Variants in NCOA2 observed in about 807,000 individuals in gnomAD.
NCOA2 encodes nuclear receptor coactivator 2.
In NCOA2, 21 loss-of-function variants were observed where a neutral mutation model predicts 145.1. That is an observed-to-expected ratio of 0.14 (90% CI 0.10 to 0.21). The LOEUF is 0.21. Among genes scored for constraint, NCOA2 ranks in the 10% least tolerant of loss-of-function variants. The pLI, the probability that NCOA2 is intolerant of heterozygous loss-of-function variation, is 1.00. For synonymous variants in NCOA2, 619 were observed against 637.5 expected (o/e 0.97, Z 0.44); for missense variants, 1,472 against 1,837.6 (o/e 0.80, Z 3.64).
At chr8:70,417,245 T>TAAAAAAAAAAAAAAA in the NCOA2 span, among the ~76,000 whole-genome samples, 82 of 77,992 alleles carry the variant, frequency 1.1e-3, 10 homozygotes, top group African/African-American at 6.6e-3. Flanking sequence ...TCGTCTCTAT[T>TAAAAAAAAAAAAAAA]AAAAAAAAAA....
chr8:70,221,539 G>A (rs1425960074), intron 2 of NCOA2, among the ~76,000 whole-genome samples: 1 of 152,128 alleles, frequency 6.6e-6, no homozygotes, highest in Non-Finnish European at 1.5e-5. Context: ...GTAGATGCCT[G>A]AGAAAGAAAA....
At chr8:70,186,041 C>T (rs920584352) in intron 4 of NCOA2, among the ~76,000 whole-genome samples, 5 of 151,952 alleles carry the variant, frequency 3.3e-5, no homozygotes, top group African/African-American at 9.7e-5. Context: ...TGAAAACGCA[C>T]ATACAAATAA....
chr8:70,329,690 A>G (rs1586508800), intron 1 of NCOA2, among the ~76,000 whole-genome samples: 1 of 127,804 alleles, frequency 7.8e-6, no homozygotes, highest in Non-Finnish European at 1.7e-5. Flanking sequence ...CAATAGGATA[A>G]ATAAATATTA....
chr8:70,408,779 TTTTTTTTTTTTTGGA>T (rs1814816976), upstream of NCOA2, among the ~76,000 whole-genome samples: 1 of 151,644 alleles, frequency 6.6e-6, no homozygotes, highest in South Asian at 2.1e-4. Flanking sequence ...ACCCAGCTTT[TTTTTTTTTTTTTGGA>T]TTTTTTTTTT....
At chr8:70,360,530 T>G (rs1406137044) in intron 1 of NCOA2, among the ~76,000 whole-genome samples, 1 of 152,214 alleles carries the variant, frequency 6.6e-6, no homozygotes, top group Non-Finnish European at 1.5e-5. Flanking sequence ...TGTTCATGGT[T>G]ATTTCATCCC....
chr8:70,255,614 C>G (rs1279266084), intron 2 of NCOA2, among the ~76,000 whole-genome samples: 1 of 152,172 alleles, frequency 6.6e-6, no homozygotes, highest in Non-Finnish European at 1.5e-5. Flanking sequence ...CTATCACGTT[C>G]GGCACATACA....
intron 4 of NCOA2, 94 bp downstream of exon 4, chr8:70,213,809 A>T: frequency 9.8e-7 from 1 of 1,023,110 alleles, no homozygotes. Context: ...ATTTAAGCAT[A>T]AGAAATGGAT....
intron 2 of NCOA2, among the ~76,000 whole-genome samples, chr8:70,256,462 G>C (rs1333639298): frequency 6.6e-6 from 1 of 152,174 alleles, no homozygotes; most frequent in African/African-American, 2.4e-5. Context: ...CCATGAAGAA[G>C]CAGTAGTATT....
rs145657959 is a variant in NCOA2, at chr8:70,393,238, T to C, written c.-77+10462A>G. ...GGAAAACAATCCCCCAAATGCTCAGTCTGGTAACACAGAGGATGAGGGCAG... is the reference window on the plus strand; with the variant it reads ...GGAAAACAATCCCCCAAATGCTCAGCCTGGTAACACAGAGGATGAGGGCAG... On this transcript the variant is annotated intron_variant, in intron 1 of 22. Transcript: ENST00000452400. 3.2e-3 allele frequency among the ~76,000 whole-genome samples: 490 copies of C among 152,302 alleles called. 3 individuals are homozygous for C. The highest frequency in any genetic ancestry group is 9.1e-3 in the African/African-American group (379 of 41,560).
intron 2 of NCOA2, among the ~76,000 whole-genome samples, chr8:70,282,704 A>G (rs1563720187): frequency 6.6e-6 from 1 of 150,914 alleles, no homozygotes; most frequent in Non-Finnish European, 1.5e-5. Flanking sequence ...AAAAAAAAAA[A>G]GTAGCCAGGC....
At chr8:70,443,361 G>A in the NCOA2 span, among the ~76,000 whole-genome samples, 1 of 152,020 alleles carries the variant, frequency 6.6e-6, no homozygotes, top group Non-Finnish European at 1.5e-5. Context: ...GTGACAGAGT[G>A]AGACCCTGTC....
At chr8:70,216,812 T>C in intron 2 of NCOA2, 48 bp from the exon 3 acceptor site, 1 of 1,172,944 alleles carries the variant, frequency 8.5e-7, no homozygotes, top group Non-Finnish European at 1.3e-6. Flanking sequence ...AGAGAGCTGA[T>C]GATGAAGTGT....
chr8:70,439,816 G>T, the NCOA2 span, among the ~76,000 whole-genome samples: 2 of 152,174 alleles, frequency 1.3e-5, no homozygotes, highest in East Asian at 1.9e-4. Context: ...TCATCCCGTC[G>T]CTGTCCTTTC....
intron 2 of NCOA2, among the ~76,000 whole-genome samples, chr8:70,269,922 A>G (rs1824908906): frequency 6.6e-6 from 1 of 152,200 alleles, no homozygotes; most frequent in South Asian, 2.1e-4. Flanking sequence ...CAGATTCAAC[A>G]CATACTACTT....
At chr8:70,435,200 C>T in the NCOA2 span, among the ~76,000 whole-genome samples, 61 of 151,228 alleles carry the variant, frequency 4.0e-4, no homozygotes, top group African/African-American at 1.4e-3. Context: ...CCGAGGCGGG[C>T]GGATCACGAG....
chr8:70,123,595 G>A (rs1430701363), intron 21 of NCOA2, among the ~76,000 whole-genome samples: 1 of 150,656 alleles, frequency 6.6e-6, no homozygotes, highest in Non-Finnish European at 1.5e-5. Flanking sequence ...CATCTTTAGA[G>A]ATTCATTTTA....
chr8:70,454,329 C>G, the NCOA2 span, among the ~76,000 whole-genome samples: 9 of 152,168 alleles, frequency 5.9e-5, no homozygotes, highest in Non-Finnish European at 1.3e-4. Context: ...CTGAACTGTT[C>G]TTGAGAAAAG....
chr8:70,179,373 T>C (rs1333808834), intron 4 of NCOA2, among the ~76,000 whole-genome samples: 1 of 152,180 alleles, frequency 6.6e-6, no homozygotes, highest in Non-Finnish European at 1.5e-5. Context: ...AAGTAATTAC[T>C]ACCTCTGTTG....
intron 1 of NCOA2, among the ~76,000 whole-genome samples, chr8:70,325,426 G>T (rs1401381899): frequency 1.3e-5 from 2 of 151,788 alleles, no homozygotes; most frequent in African/African-American, 4.8e-5. Context: ...ATAGAAAGTA[G>T]AACATAACAT....
Sources: allele counts gnomAD v4.1 joint callset (sites outside exome capture counted in the v4.1 genomes callset), GRCh38; gene constraint gnomAD v4.1.1; transcripts MANE v1.5; gene names NCBI Gene and HGNC (gene_info 2026-07-23, HGNC 2026-07-21).